The following SMYD3 variants were observed in gnomAD, a reference collection of about 807,000 sequenced individuals.
SMYD3 encodes the protein SET and MYND domain containing 3.
A neutral mutation model predicts 57.7 loss-of-function variants in SMYD3; 36 were observed. The ratio of observed to expected loss-of-function variants is 0.62; its 90% CI spans 0.48 to 0.82. The LOEUF (loss-of-function observed/expected upper bound fraction) is 0.82. Ranked by LOEUF, SMYD3 falls within the 40% of genes least tolerant of loss-of-function variation. SMYD3 has a pLI of 0.00. For missense variants in SMYD3, 515 were observed against 538.8 expected, an observed-to-expected ratio of 0.96 and a Z score of 0.44; for synonymous variants, 211 against 195.0, an observed-to-expected ratio of 1.08 and a Z score of -0.68.
At chr1:246,385,529 A>C (rs762430405) in intron 1 of SMYD3, among the ~76,000 whole-genome samples, 4 of 152,112 alleles carry the variant, frequency 2.6e-5, no homozygotes, top group Admixed American at 1.3e-4. Context: ...TTCCTAGGAG[A>C]GAAAGGACCC....
At chr1:246,192,354 C>T (rs2062752246) in intron 5 of SMYD3, among the ~76,000 whole-genome samples, 1 of 152,200 alleles carries the variant, frequency 6.6e-6, no homozygotes, top group Admixed American at 6.5e-5. Context: ...GGCTACAGAA[C>T]TCCTGCAACT....
chr1:245,839,169 T>A (rs1042335078), intron 10 of SMYD3, among the ~76,000 whole-genome samples: 2 of 152,210 alleles, frequency 1.3e-5, no homozygotes, highest in Non-Finnish European at 2.9e-5. Flanking sequence ...CTTTTTATTT[T>A]ATTTTAATTT....
intron 1 of SMYD3, among the ~76,000 whole-genome samples, chr1:246,373,825 T>C (rs1342729658): frequency 6.6e-6 from 1 of 152,174 alleles, no homozygotes; most frequent in Non-Finnish European, 1.5e-5. Flanking sequence ...TTGGAGTTAG[T>C]CAATCAAAAC....
chr1:245,873,651 A>G (rs2052338671), intron 8 of SMYD3, among the ~76,000 whole-genome samples: 1 of 152,204 alleles, frequency 6.6e-6, no homozygotes, highest in East Asian at 1.9e-4. Flanking sequence ...CAACAGAGAT[A>G]AAAATGCTTT....
intron 10 of SMYD3, among the ~76,000 whole-genome samples, chr1:245,815,463 G>A (rs150750138): frequency 2.6e-5 from 4 of 152,336 alleles, no homozygotes; most frequent in East Asian, 1.9e-4. Flanking sequence ...AATAGCTGGG[G>A]AGCTAATGAC....
chr1:246,090,192 T>C (rs1043621170), intron 5 of SMYD3, among the ~76,000 whole-genome samples: 4 of 152,150 alleles, frequency 2.6e-5, no homozygotes, highest in Admixed American at 2.0e-4. Context: ...AAAGAAAAGA[T>C]ACAGAAAAAT....
Position 246,170,881 on chromosome 1 carries a change from T to C in SMYD3, c.531+156320A>G, listed in dbSNP as rs112001603. Among the ~76,000 whole-genome samples the C allele has an allele frequency of 1.6e-3, 246 of 152,348 alleles. 1 individual carries two copies. The highest frequency in any genetic ancestry group is 5.5e-3 in the African/African-American group (228 of 41,580). On this transcript the variant is annotated intron_variant, in intron 5 of 11. Coordinates refer to ENST00000490107, the MANE Select transcript of SMYD3 (RefSeq NM_001167740.2). ...GTAGACTTCTTATTTTCCTGCACTGTTTGTGACCGCTAAATACTGTATTTT... is the reference window on the plus strand; with the variant it reads ...GTAGACTTCTTATTTTCCTGCACTGCTTGTGACCGCTAAATACTGTATTTT...
intron 9 of SMYD3, among the ~76,000 whole-genome samples, chr1:245,861,572 G>C (rs1407947248): frequency 6.6e-6 from 1 of 152,138 alleles, no homozygotes; most frequent in Non-Finnish European, 1.5e-5. Flanking sequence ...TTAAGGCCTT[G>C]CCACCTTCCC....
intron 5 of SMYD3, among the ~76,000 whole-genome samples, chr1:246,036,616 C>CAT (rs1558170995): frequency 6.7e-6 from 1 of 149,674 alleles, no homozygotes; most frequent in African/African-American, 2.5e-5. Flanking sequence ...TGCAGTGGTG[C>CAT]GATCTCGGCT....
At chr1:246,334,945 C>A (rs1041791115) in intron 3 of SMYD3, among the ~76,000 whole-genome samples, 4 of 152,076 alleles carry the variant, frequency 2.6e-5, no homozygotes, top group Non-Finnish European at 5.9e-5. Flanking sequence ...AAGGAAGAGG[C>A]AATCAATGCG....
chr1:246,301,401 G>A (rs898345061), intron 5 of SMYD3, among the ~76,000 whole-genome samples: 1 of 151,956 alleles, frequency 6.6e-6, no homozygotes, highest in Non-Finnish European at 1.5e-5. Context: ...AATTCCATAG[G>A]TGCCCGAAAG....
intron 5 of SMYD3, among the ~76,000 whole-genome samples, chr1:246,003,334 G>A (rs761968620): frequency 3.9e-5 from 6 of 152,224 alleles, no homozygotes; most frequent in Admixed American, 6.5e-5. Flanking sequence ...AGCGCCATCT[G>A]GTGGAGCGGT....
intron 5 of SMYD3, among the ~76,000 whole-genome samples, chr1:245,980,208 A>G (rs2058561633): frequency 6.6e-6 from 1 of 152,240 alleles, no homozygotes; most frequent in Non-Finnish European, 1.5e-5. Context: ...CTTACTGTGC[A>G]TGATTTTTCA....
At chr1:246,010,424 TCAA>T (rs2059261370) in intron 5 of SMYD3, among the ~76,000 whole-genome samples, 1 of 152,156 alleles carries the variant, frequency 6.6e-6, no homozygotes, top group Admixed American at 6.5e-5. Context: ...TAAGAATTGA[TCAA>T]CATGTATCCA....
chr1:246,099,150 G>A (rs180828037), intron 5 of SMYD3, among the ~76,000 whole-genome samples: 19 of 152,172 alleles, frequency 1.2e-4, no homozygotes, highest in Non-Finnish European at 1.8e-4. Flanking sequence ...AGTTTGTGTC[G>A]GGCCTATCGG....
At chr1:246,273,110 TGA>T (rs2064252516) in intron 5 of SMYD3, among the ~76,000 whole-genome samples, 1 of 143,124 alleles carries the variant, frequency 7.0e-6, no homozygotes, top group African/African-American at 2.9e-5. Context: ...TCATTCTGTA[TGA>T]TTCATAATAA....
At chr1:246,084,549 A>T (rs2060693922) in intron 5 of SMYD3, among the ~76,000 whole-genome samples, 1 of 152,132 alleles carries the variant, frequency 6.6e-6, no homozygotes, top group Non-Finnish European at 1.5e-5. Context: ...GCATTCTATC[A>T]GTGCCTATAT....
intron 1 of SMYD3, among the ~76,000 whole-genome samples, chr1:246,415,560 T>C (rs142742984): frequency 1.4e-3 from 208 of 152,254 alleles, no homozygotes; most frequent in Non-Finnish European, 2.6e-3. Context: ...CCTCCAGCAC[T>C]AAAAATTACA....
At position 246,390,778 on chromosome 1, in the gene SMYD3, C is replaced by CTT. The variant is rs1558439874; in HGVS notation, c.165-35685_165-35684insAA. 6.6e-5 allele frequency among the ~76,000 whole-genome samples: 10 copies of CTT among 152,222 alleles called. 1 individual carries two copies. The East Asian group carries it at 1.4e-3, about 21-fold the overall frequency. On this transcript the variant is annotated intron_variant, in intron 1 of 11. Coordinates refer to ENST00000490107, the MANE Select transcript of SMYD3 (RefSeq NM_001167740.2). ...TCACTTTAGCACACATAAATTCAGA[C>CTT]TAGCCACATTTCAAGTGCACAACAG...
Sources: gnomAD v4.1 joint callset for allele counts (sites outside exome capture counted in the v4.1 genomes callset) on GRCh38, gnomAD v4.1.1 for gene constraint, MANE v1.5 for transcripts, NCBI Gene and HGNC (gene_info 2026-07-23, HGNC 2026-07-21) for gene names.